Variants in CSMD1 observed in about 807,000 individuals in gnomAD.
CSMD1 encodes CUB and Sushi multiple domains 1.
In CSMD1, 213 loss-of-function variants were observed where a neutral mutation model predicts 417.5. The ratio of observed to expected loss-of-function variants is 0.51; its 90% CI spans 0.46 to 0.57. CSMD1 has a LOEUF of 0.57. Ranked by LOEUF, CSMD1 falls within the 20% of genes least tolerant of loss-of-function variation. CSMD1 has a pLI of 0.00. For synonymous variants in CSMD1, 2,862 were observed against 1,736.8 expected, an observed-to-expected ratio of 1.65 and a Z score of -16.11; for missense variants, 6,923 against 4,529.7, an observed-to-expected ratio of 1.53 and a Z score of -15.17.
At chr8:4,222,707 G>T (rs554891231) in intron 3 of CSMD1, among the ~76,000 whole-genome samples, 5 of 152,038 alleles carry the variant, frequency 3.3e-5, no homozygotes, top group Admixed American at 6.6e-5. Context: ...TATCTGGTTC[G>T]CTTCTGTAGG....
rs182184068 is a variant in CSMD1 at position 2,957,585 on chromosome 8, G to C, written c.9814+111C>G. The C allele has an allele frequency of 3.8e-4, 289 of 752,134 alleles. No individual in the cohort carries two copies. In the African/African-American group the frequency reaches 4.4e-3, roughly 11 times the overall value. The allele number at this position is 752,134 out of a possible 1,614,324, so 46.6% of individuals were successfully genotyped here. A position where few individuals can be genotyped will look rare whatever the true frequency, so the allele number is the denominator to read the frequency against. ...AACTTTGAGGACATCCGAAAATTTAGGATTAGGGAATTAAAAACAATTTCT... is the reference window on the plus strand; with the variant it reads ...AACTTTGAGGACATCCGAAAATTTACGATTAGGGAATTAAAAACAATTTCT... On this transcript the variant is annotated intron_variant, in intron 63 of 69. Transcript: ENST00000635120.
intron 3 of CSMD1, among the ~76,000 whole-genome samples, chr8:4,234,112 C>T (rs1714682): frequency 0.026 from 3,960 of 152,226 alleles, 53 homozygotes; most frequent in Middle Eastern, 0.088. Context: ...TCAAGTGCTA[C>T]AGGAGTTAAA....
intron 3 of CSMD1, among the ~76,000 whole-genome samples, chr8:4,358,821 A>C (rs1228378044): frequency 6.6e-6 from 1 of 152,190 alleles, no homozygotes; most frequent in South Asian, 2.1e-4. Flanking sequence ...TAAATCACGT[A>C]AGAGTGCCTT....
intron 10 of CSMD1, among the ~76,000 whole-genome samples, chr8:3,569,299 G>C (rs1304995269): frequency 6.6e-6 from 1 of 152,126 alleles, no homozygotes; most frequent in East Asian, 1.9e-4. Context: ...CATTATTAGG[G>C]AGATGCTAAG....
At chr8:4,983,917 G>C (rs1006278479) in intron 1 of CSMD1, among the ~76,000 whole-genome samples, 8 of 152,168 alleles carry the variant, frequency 5.3e-5, no homozygotes, top group South Asian at 2.1e-4. Context: ...TGGTCGATGA[G>C]GTGGAATAGA....
intron 1 of CSMD1, among the ~76,000 whole-genome samples, chr8:4,971,112 T>C (rs1810212985): frequency 6.6e-6 from 1 of 152,022 alleles, no homozygotes; most frequent in Non-Finnish European, 1.5e-5. Flanking sequence ...TATACCAAAT[T>C]CAGACTTCAA....
At chr8:4,727,968 A>AAT (rs10663067) in intron 1 of CSMD1, among the ~76,000 whole-genome samples, 125,380 of 141,770 alleles carry the variant, frequency 0.88, 55,249 homozygotes, top group East Asian at 0.95. Flanking sequence ...ATATATACAA[A>AAT]ATATATATGT....
At chr8:4,671,180 T>C (rs947431863) in intron 1 of CSMD1, among the ~76,000 whole-genome samples, 2 of 152,232 alleles carry the variant, frequency 1.3e-5, no homozygotes, top group African/African-American at 4.8e-5. Context: ...ATGCTTAGTA[T>C]TCCATTCCTC....
At chr8:3,261,184 C>T (rs763165609) in intron 26 of CSMD1, among the ~76,000 whole-genome samples, 5 of 152,096 alleles carry the variant, frequency 3.3e-5, no homozygotes, top group African/African-American at 1.2e-4. Context: ...GATGTAAATA[C>T]CATAGACAAT....
At chr8:3,715,097 T>C (rs1585122134) in intron 6 of CSMD1, among the ~76,000 whole-genome samples, 5 of 152,346 alleles carry the variant, frequency 3.3e-5, no homozygotes, top group Admixed American at 6.5e-5. Flanking sequence ...TTAGATTTTT[T>C]TGTGTTTTAC....
intron 12 of CSMD1, among the ~76,000 whole-genome samples, chr8:3,439,518 T>C (rs1159529636): frequency 6.6e-6 from 1 of 150,668 alleles, no homozygotes. Flanking sequence ...TGTGTGTGTG[T>C]GTGTAATTGT....
In CSMD1 at chr8:4,765,376, G is replaced by A. The variant is rs568519776; in HGVS notation, c.86-127818C>T. On this transcript the variant is annotated intron_variant, in intron 1 of 69. Transcript: ENST00000635120. ...CACAAAACTGAAGAAGCACATCATC[G>A]GATTGTCAGATAATACATTGAGGAT... Among the ~76,000 whole-genome samples the A allele has an allele frequency of 5.3e-5, 8 of 152,168 alleles. No homozygotes were observed. In the East Asian group the frequency reaches 1.2e-3, roughly 22 times the overall value.
rs1266329887 is a variant in CSMD1 at position 3,142,608 on chromosome 8, C to A, written c.6098G>T (p.Gly2033Val). The A allele has an allele frequency of 1.2e-6, 2 of 1,613,788 alleles. No homozygotes were observed. Among genetic ancestry groups the A allele is most frequent in the Admixed American group, 1.7e-5 (1 of 60,012 alleles). ...ANHDFLEIQN[G>V]PYHTSPMIGQ... ...AATCATGGGGCTGGTGTGGTAAGGT[C>A]CATTTTGAATTTCAAGGAAGTCATG... The change falls in exon 41 of 70, where the codon GGA becomes GTA. Residue 2033 changes from glycine to valine, a missense_variant. Transcript: ENST00000635120.
intron 5 of CSMD1, among the ~76,000 whole-genome samples, chr8:3,874,251 A>G (rs1461175112): frequency 2.6e-5 from 4 of 152,046 alleles, no homozygotes. Context: ...GAGCATGTTT[A>G]TTTTACTGTT....
At chr8:4,738,484 A>C (rs1810387148) in intron 1 of CSMD1, among the ~76,000 whole-genome samples, 1 of 152,128 alleles carries the variant, frequency 6.6e-6, no homozygotes, top group Admixed American at 6.5e-5. Context: ...CTATCAGGAG[A>C]ACAGGATGGG....
At chr8:3,727,781 C>G (rs967672724) in intron 6 of CSMD1, among the ~76,000 whole-genome samples, 1 of 152,102 alleles carries the variant, frequency 6.6e-6, no homozygotes, top group East Asian at 1.9e-4. Flanking sequence ...ATAATTTAGT[C>G]TTAAAAAGGA....
intron 12 of CSMD1, among the ~76,000 whole-genome samples, chr8:3,420,296 G>C (rs1462248523): frequency 6.6e-6 from 1 of 151,700 alleles, no homozygotes; most frequent in Non-Finnish European, 1.5e-5. Flanking sequence ...TACCAACCAG[G>C]ACTCCTCAAA....
Position 2,938,395 on chromosome 8 carries a change from T to C in CSMD1, c.*190A>G. On this transcript the variant is annotated 3_prime_UTR_variant, in exon 70 of 70. Coordinates refer to ENST00000635120, the MANE Select transcript of CSMD1 (RefSeq NM_033225.6). ...CCCACTTTTGGAATGAAAACGCATGTGTAGTTTGATCCGTAGAAGACCCTG... is the reference window on the plus strand; with the variant it reads ...CCCACTTTTGGAATGAAAACGCATGCGTAGTTTGATCCGTAGAAGACCCTG... 2 of 535,894 alleles carry C rather than the reference T, an allele frequency of 3.7e-6. No homozygotes were observed. The highest frequency in any genetic ancestry group is 3.1e-5 in the East Asian group (1 of 32,364). 33.2% of individuals were successfully genotyped at this position (535,894 alleles called of 1,614,324 possible).
intron 1 of CSMD1, among the ~76,000 whole-genome samples, chr8:4,857,591 G>A (rs188185847): frequency 5.8e-4 from 88 of 152,182 alleles, no homozygotes; most frequent in African/African-American, 1.8e-3. Flanking sequence ...TATCACCACC[G>A]ATCCCACAGA....
Sources: gnomAD v4.1 joint callset for allele counts (sites outside exome capture counted in the v4.1 genomes callset) on GRCh38, gnomAD v4.1.1 for gene constraint, MANE v1.5 for transcripts, NCBI Gene and HGNC (gene_info 2026-07-23, HGNC 2026-07-21) for gene names.